SREBF2: variants seen among roughly 807,000 people sequenced by gnomAD.
SREBF2 encodes the protein sterol regulatory element-binding protein 2.
In SREBF2, 55 loss-of-function variants were observed where a neutral mutation model predicts 113.1. The ratio of observed to expected loss-of-function variants is 0.49; its 90% confidence interval spans 0.39 to 0.61. The LOEUF is 0.61. SREBF2 is among the 20% of genes least tolerant of loss of function. SREBF2 has a pLI of 0.00. For missense variants in SREBF2, 1,349 were observed against 1,487.4 expected (o/e 0.91, Z 1.53); for synonymous variants, 593 against 605.7 (o/e 0.98, Z 0.31).
At chr22:41,878,265 A>C in intron 9 of SREBF2, 142 bp downstream of exon 9, 4 of 1,051,044 alleles carry the variant, frequency 3.8e-6, no homozygotes, top group South Asian at 1.3e-5. Context: ...AGGGCAGTGG[A>C]GTGGGCGCCT....
chr22:41,837,556 TAAAAAAAAA>T (rs764852977), intron 1 of SREBF2, among the ~76,000 whole-genome samples: 1 of 75,420 alleles, frequency 1.3e-5, no homozygotes, highest in South Asian at 4.3e-4. Context: ...AGACTCTGTC[TAAAAAAAAA>T]AAAAAAAAAA....
In SREBF2 at chr22:41,844,029, T is replaced by TACACACACACAC. The variant is rs768606329; in HGVS notation, c.88+10674_88+10675insCACACACACACA. Among the ~76,000 whole-genome samples, 19 of 48,764 alleles carry TACACACACACAC rather than the reference T, an allele frequency of 3.9e-4. 1 individual carries two copies. In the South Asian group the frequency reaches 6.6e-3, roughly 17 times the overall value. 32.0% of individuals were successfully genotyped at this position (48,764 alleles called of 152,430 possible). ...AGACCCTGTCTCAAAAAAAAAAAAA[T>TACACACACACAC]ACATACACACACACACACACACACA... On this transcript the variant is annotated intron_variant, in intron 1 of 18. Transcript: ENST00000361204.
chr22:41,891,414 C>T (rs1441634118), intron 11 of SREBF2: 2 of 152,134 alleles, frequency 1.3e-5, no homozygotes, highest in East Asian at 1.9e-4. Context: ...GTGAAACACC[C>T]CACCTCATCT....
chr22:41,852,706 C>T (rs2076942608), intron 1 of SREBF2, among the ~76,000 whole-genome samples: 1 of 147,282 alleles, frequency 6.8e-6, no homozygotes. Context: ...TTTATTCCAG[C>T]CATTCTCATA....
At position 41,873,931 on chromosome 22, in the gene SREBF2, C is replaced by T; in HGVS notation, c.1001C>T (p.Thr334Ile). Residue 334 changes from threonine to isoleucine, a missense_variant, in exon 5 of 19, where the codon ACC becomes ATC. By Grantham distance (89) the Thr-to-Ile change is moderately conservative. This residue lies in a region of SREBF2 where 699 missense variants were observed against 843.3 expected (regional missense o/e 0.83). Transcript: ENST00000361204. ...EPPKEGERRT[T>I]HNIIEKRYRS... ...CCCAAAGAAGGAGAAAGGCGGACAA[C>T]CCATAATATCATTGAGAAACGATAT... 6.2e-7 allele frequency: 1 copy of T among 1,614,152 alleles called. No homozygotes were observed. The highest frequency in any genetic ancestry group is 8.5e-7 in the Non-Finnish European group (1 of 1,180,030).
At chr22:41,840,306 T>G (rs2076816940) in intron 1 of SREBF2, among the ~76,000 whole-genome samples, 1 of 152,178 alleles carries the variant, frequency 6.6e-6, no homozygotes, top group Non-Finnish European at 1.5e-5. Context: ...CTAAATCTTG[T>G]GACAGAAACT....
At chr22:41,848,402 T>C (rs1215568276) in intron 1 of SREBF2, among the ~76,000 whole-genome samples, 1 of 152,134 alleles carries the variant, frequency 6.6e-6, no homozygotes, top group Admixed American at 6.6e-5. Context: ...AGTCTGTTTT[T>C]AATAGAGCAG....
intron 15 of SREBF2, chr22:41,899,094 C>T (rs886336357): frequency 1.0e-5 from 7 of 679,786 alleles, no homozygotes; most frequent in Non-Finnish European, 1.5e-5. Flanking sequence ...CAGTGTGGCC[C>T]CCAGCATCTT....
At chr22:41,836,768 C>A (rs2076779545) in intron 1 of SREBF2, among the ~76,000 whole-genome samples, 2 of 152,158 alleles carry the variant, frequency 1.3e-5, no homozygotes, top group Admixed American at 1.3e-4. Context: ...CTTCTAGGAG[C>A]CGGTCAGGTG....
At chr22:41,873,728 G>A in intron 4 of SREBF2, 70 bp from the exon 5 acceptor site, 1 of 1,501,802 alleles carries the variant, frequency 6.7e-7, no homozygotes, top group African/African-American at 1.4e-5. Context: ...AAGCGGGCAG[G>A]TCTGTGTTGA....
At chr22:41,895,531 G>T (rs962227848) in intron 13 of SREBF2, among the ~76,000 whole-genome samples, 1 of 150,414 alleles carries the variant, frequency 6.6e-6, no homozygotes, top group African/African-American at 2.5e-5. Flanking sequence ...TGCCTCCCGG[G>T]TTCAAGTGAT....
At position 41,877,212 on chromosome 22, in the gene SREBF2, G is replaced by A. The variant is rs199874234; in HGVS notation, c.1387-17G>A. ...CCTATGCAGTATTTATTCCAACCTC[G>A]AGGCCTTGTTTTGAAGGTCAAAGAT... On this transcript the variant is annotated splice_polypyrimidine_tract_variant and intron_variant, in intron 7 of 18. Transcript: ENST00000361204. 6.4e-5 allele frequency: 103 copies of A among 1,613,748 alleles called. No individual in the cohort carries two copies. Among genetic ancestry groups the A allele is most frequent in the Non-Finnish European group, 8.4e-5 (99 of 1,179,876 alleles).
chr22:41,905,842 C>G lies in SREBF2; in HGVS notation c.*182C>G. 2.6e-6 allele frequency: 2 copies of G among 761,848 alleles called. No homozygotes were observed. The highest frequency in any genetic ancestry group is 4.6e-6 in the Non-Finnish European group (2 of 435,844). 47.2% of individuals were successfully genotyped at this position (761,848 alleles called of 1,614,324 possible). ...CCCTTAAAGCTGCTGTCACTAGATG[C>G]CCATGGTCCAGGGCCTGGTGGGCGT... On this transcript the variant is annotated 3_prime_UTR_variant, in exon 19 of 19. Coordinates refer to ENST00000361204, the MANE Select transcript of SREBF2 (RefSeq NM_004599.4).
At chr22:41,862,544 C>T (rs1207649269) in intron 1 of SREBF2, among the ~76,000 whole-genome samples, 6 of 152,116 alleles carry the variant, frequency 3.9e-5, no homozygotes, top group Non-Finnish European at 8.8e-5. Context: ...CGCCTTCTCC[C>T]GGGCCTCCCT....
rs2077511141 is a variant in SREBF2, at chr22:41,906,586, A to G, written c.*926A>G. On this transcript the variant is annotated 3_prime_UTR_variant, in exon 19 of 19. Coordinates refer to ENST00000361204, the MANE Select transcript of SREBF2 (RefSeq NM_004599.4). The stretch of plus-strand genomic sequence containing the variant: ...GTGGTTCAACTTAAACCATGTTTCA[A>G]CTTTACAATTGGTCTGTTGGGGTAT... 3 of 152,586 alleles carry G rather than the reference A, an allele frequency of 2.0e-5. No individual in the cohort carries two copies. The highest frequency in any genetic ancestry group is 6.5e-5 in the Admixed American group (1 of 15,340). The allele number at this position is 152,586 out of a possible 1,614,324, so 9.5% of individuals were successfully genotyped here.
Position 41,906,553 on chromosome 22 carries a change from A to T in SREBF2, c.*893A>T, listed in dbSNP as rs890082020. On this transcript the variant is annotated 3_prime_UTR_variant, in exon 19 of 19. Coordinates refer to ENST00000361204, the MANE Select transcript of SREBF2 (RefSeq NM_004599.4). ...ACCTCCACAGTACAGACTGTCCCCAACTTAACAGTGGTTCAACTTAAACCA... is the reference window on the plus strand; with the variant it reads ...ACCTCCACAGTACAGACTGTCCCCATCTTAACAGTGGTTCAACTTAAACCA... 6.5e-6 allele frequency: 1 copy of T among 153,082 alleles called. No individual in the cohort carries two copies. The highest frequency in any genetic ancestry group is 1.5e-5 in the Non-Finnish European group (1 of 68,692). 9.5% of individuals were successfully genotyped at this position (153,082 alleles called of 1,614,324 possible).
In SREBF2 at chr22:41,861,033, ACTGAATGTT is replaced by A. The variant is rs564763463; in HGVS notation, c.89-5795_89-5787del. Among the ~76,000 whole-genome samples, 33 of 152,384 alleles carry A rather than the reference ACTGAATGTT, an allele frequency of 2.2e-4. No homozygotes were observed. The South Asian group carries it at 6.4e-3, about 30-fold the overall frequency. The stretch of plus-strand genomic sequence containing the variant: ...TGATGTTACGTCTGTAATGGTTGAC[ACTGAATGTT>A]CTTCATATTTATTAACCAAAGGGAA... On this transcript the variant is annotated intron_variant, in intron 1 of 18. Coordinates refer to ENST00000361204, the MANE Select transcript of SREBF2 (RefSeq NM_004599.4).
At position 41,877,348 on chromosome 22, in the gene SREBF2, G is replaced by A; in HGVS notation, c.1506G>A (p.Gln502=). 1 of 1,614,158 alleles carries A rather than the reference G, an allele frequency of 6.2e-7. No homozygotes were observed. Among genetic ancestry groups the A allele is most frequent in the Non-Finnish European group, 8.5e-7 (1 of 1,180,042 alleles). ...TTAACCCCCTGACTTCCCTGCTGCA[G>A]TGGGGAGGGGCCCACGACTCTGACC... ...LSFNPLTSLL[Q]WGGAHDSDQH... The change falls in exon 8 of 19, where the codon CAG becomes CAA. Residue 502 remains glutamine (Q), a synonymous_variant. Coordinates refer to ENST00000361204, the MANE Select transcript of SREBF2 (RefSeq NM_004599.4).
rs1262531053 is a variant in SREBF2, at chr22:41,833,691, C to G, written c.88+333C>G. 9.0e-6 allele frequency: 2 copies of G among 221,582 alleles called. No individual in the cohort carries two copies. The highest frequency in any genetic ancestry group is 1.8e-5 in the Non-Finnish European group (2 of 112,970). 13.7% of individuals were successfully genotyped at this position (221,582 alleles called of 1,614,324 possible). A position where few individuals can be genotyped will look rare whatever the true frequency, so the allele number is the denominator to read the frequency against. On this transcript the variant is annotated intron_variant, in intron 1 of 18. Coordinates refer to ENST00000361204, the MANE Select transcript of SREBF2 (RefSeq NM_004599.4). This position sits in a 1 kb window ranked among gnomAD's most constrained non-coding sequence, Gnocchi z 4.1. ...GCGCGTGGCCGCCGCCTCCCTCGCG[C>G]GCCCACACGCGGTTTCCGTGGTCCG...
Sources: allele counts gnomAD v4.1 joint callset (sites outside exome capture counted in the v4.1 genomes callset), GRCh38; gene constraint gnomAD v4.1.1; regional missense constraint gnomAD v4.1.1; non-coding constraint Gnocchi (gnomAD v3.1); transcripts MANE v1.5; gene names NCBI Gene and HGNC (gene_info 2026-07-23, HGNC 2026-07-21).